The following CHL1 variants were observed in gnomAD, a reference collection of about 807,000 sequenced individuals.
The protein encoded by CHL1 is cell adhesion molecule L1 like.
In CHL1, 96 loss-of-function variants were observed where a neutral mutation model predicts 141.9. The ratio of observed to expected loss-of-function variants is 0.68; its 90% CI spans 0.57 to 0.80. CHL1 has a LOEUF of 0.80. Among genes scored for constraint, CHL1 ranks in the 30% least tolerant of loss-of-function variants. The pLI, the probability that CHL1 is intolerant of heterozygous loss-of-function variation, is 0.00. For missense variants in CHL1, 1,820 were observed against 1,457.2 expected (o/e 1.25, Z -4.05); for synonymous variants, 613 against 502.2 (o/e 1.22, Z -2.95).
chr3:316,471 GT>G (rs1232751830), intron 2 of CHL1, among the ~76,000 whole-genome samples: 4 of 151,268 alleles, frequency 2.6e-5, no homozygotes, highest in South Asian at 2.1e-4. Flanking sequence ...TGGCAGGGAT[GT>G]TTTTTTTCCT....
At position 253,156 on chromosome 3, in the gene CHL1, A is replaced by G. The variant is rs187899932; in HGVS notation, c.-95+8464A>G. Among the ~76,000 whole-genome samples, 15 of 152,298 alleles carry G rather than the reference A, an allele frequency of 9.8e-5. No homozygotes were observed. The East Asian group carries it at 2.7e-3, about 27-fold the overall frequency. ...CTTACAGAGTTTATTTTTAATAGACACATTTCTATAATTGTACTATATTTT... is the reference window on the plus strand; with the variant it reads ...CTTACAGAGTTTATTTTTAATAGACGCATTTCTATAATTGTACTATATTTT... On this transcript the variant is annotated intron_variant, in intron 2 of 27. Transcript: ENST00000256509.
At chr3:234,519 T>TA (rs1427451885) in intron 1 of CHL1, among the ~76,000 whole-genome samples, 1 of 152,102 alleles carries the variant, frequency 6.6e-6, no homozygotes, top group Non-Finnish European at 1.5e-5. Context: ...TAGTAATATT[T>TA]AAAGTACTGA....
At chr3:331,596 C>T (rs1272028722) in intron 5 of CHL1, among the ~76,000 whole-genome samples, 1 of 152,074 alleles carries the variant, frequency 6.6e-6, no homozygotes, top group African/African-American at 2.4e-5. Flanking sequence ...ATCAAGAATA[C>T]ATTCTCCTAC....
chr3:261,847 T>C (rs1320340171), intron 2 of CHL1, among the ~76,000 whole-genome samples: 1 of 152,136 alleles, frequency 6.6e-6, no homozygotes, highest in African/African-American at 2.4e-5. Context: ...TGGAAAGAAA[T>C]TGAACAATAT....
intron 1 of CHL1, among the ~76,000 whole-genome samples, chr3:214,356 G>A (rs976912595): frequency 9.2e-5 from 14 of 152,104 alleles, no homozygotes; most frequent in Non-Finnish European, 1.6e-4. Context: ...CAAAAAAAGA[G>A]AAAAGTAATA....
At chr3:345,561 G>A (rs2125171647) in intron 9 of CHL1, among the ~76,000 whole-genome samples, 1 of 152,052 alleles carries the variant, frequency 6.6e-6, no homozygotes, top group South Asian at 2.1e-4. Context: ...TCAGCTCACT[G>A]CAACCTCTGC....
Position 230,926 on chromosome 3 carries a change from C to T in CHL1, c.-174-13687C>T, listed in dbSNP as rs578131870. 3.2e-4 allele frequency among the ~76,000 whole-genome samples: 48 copies of T among 152,200 alleles called. No individual in the cohort carries two copies. The South Asian group carries it at 9.8e-3, about 31-fold the overall frequency. On this transcript the variant is annotated intron_variant, in intron 1 of 27. Transcript: ENST00000256509. ...TTGTTATTGTGTTTGATAGATTGTG[C>T]TCATGAAGGCACGTGCATATTTATG...
At chr3:226,056 C>T (rs145007357) in intron 1 of CHL1, among the ~76,000 whole-genome samples, 1 of 151,230 alleles carries the variant, frequency 6.6e-6, no homozygotes, top group Non-Finnish European at 1.5e-5. Context: ...GAGTCTCGTT[C>T]CGTCGCCCAG....
chr3:239,390 C>T (rs780304164), intron 1 of CHL1, among the ~76,000 whole-genome samples: 3 of 152,080 alleles, frequency 2.0e-5, no homozygotes, highest in Admixed American at 1.3e-4. Context: ...ACACTTGCTC[C>T]GTTTTCAGTC....
intron 1 of CHL1, among the ~76,000 whole-genome samples, chr3:238,889 C>T (rs985132857): frequency 1.6e-4 from 25 of 152,008 alleles, no homozygotes; most frequent in South Asian, 4.1e-4. Context: ...GCCAAAATCG[C>T]GCCATTGCAC....
At position 398,280 on chromosome 3, in the gene CHL1, A is replaced by G. The variant is rs6442827; in HGVS notation, c.3148A>G (p.Ile1050Val). The change falls in exon 25 of 28, where the codon ATA becomes GTA. Residue 1050 changes from isoleucine (I) to valine (V), a missense_variant. Ile to Val is a conservative substitution (Grantham distance 29). Coordinates refer to ENST00000256509, the MANE Select transcript of CHL1 (RefSeq NM_006614.4). ...GVNLTQKTHP[I>V]EVFEPGAEHI... ...AAATCTTACTCAAAAGACTCACCCA[A>G]TAGAGGTATTTGAGCCGGGAGCTGA... 1,595,213 of 1,606,828 alleles carry G rather than the reference A, an allele frequency of 0.99. 792,499 individuals carry two copies. Among genetic ancestry groups the G allele is most frequent in the East Asian group, 1 (44,785 of 44,786 alleles).
chr3:318,068 G>C (rs1436578888), intron 2 of CHL1, among the ~76,000 whole-genome samples: 2 of 151,796 alleles, frequency 1.3e-5, no homozygotes, highest in Admixed American at 1.3e-4. Context: ...TCTAATTCAG[G>C]ACAAAGATTC....
At chr3:287,915 G>A (rs751372038) in intron 2 of CHL1, among the ~76,000 whole-genome samples, 30 of 149,342 alleles carry the variant, frequency 2.0e-4, no homozygotes, top group East Asian at 1.9e-4. Flanking sequence ...ACAGGCGTGC[G>A]CCATCACGCC....
At chr3:305,810 C>T (rs759111919) in intron 2 of CHL1, among the ~76,000 whole-genome samples, 6 of 151,656 alleles carry the variant, frequency 4.0e-5, no homozygotes, top group Admixed American at 6.6e-5. Context: ...TTACTGAATA[C>T]GTTCCTTTGC....
At chr3:337,230 G>T (rs1241356723) in intron 5 of CHL1, among the ~76,000 whole-genome samples, 2 of 124,070 alleles carry the variant, frequency 1.6e-5, no homozygotes, top group Admixed American at 2.1e-4. Flanking sequence ...TTGCTCTGTC[G>T]CCCAGGCTGG....
intron 2 of CHL1, among the ~76,000 whole-genome samples, chr3:294,431 C>A (rs1180104852): frequency 6.6e-6 from 1 of 152,142 alleles, no homozygotes; most frequent in African/African-American, 2.4e-5. Flanking sequence ...CCAAGTTACC[C>A]ATGTAATATT....
intron 23 of CHL1, among the ~76,000 whole-genome samples, chr3:393,312 C>T (rs747568380): frequency 2.0e-5 from 3 of 150,592 alleles, no homozygotes; most frequent in South Asian, 4.2e-4. Flanking sequence ...TTATATTAGT[C>T]GATGAACTGG....
At chr3:287,593 A>G (rs919227819) in intron 2 of CHL1, among the ~76,000 whole-genome samples, 9 of 152,220 alleles carry the variant, frequency 5.9e-5, no homozygotes, top group African/African-American at 1.9e-4. Flanking sequence ...GATTTGATAT[A>G]TTTAACTCTT....
At chr3:213,592 G>T (rs1028170770) in intron 1 of CHL1, 4 of 152,138 alleles carry the variant, frequency 2.6e-5, no homozygotes, top group Non-Finnish European at 5.9e-5. Context: ...TCTAATTAAA[G>T]AACTCACTCA....
Sources: allele counts gnomAD v4.1 joint callset (sites outside exome capture counted in the v4.1 genomes callset), GRCh38; gene constraint gnomAD v4.1.1; transcripts MANE v1.5; gene names NCBI Gene and HGNC (gene_info 2026-07-23, HGNC 2026-07-21).